The following PTH1R variants were observed in gnomAD, a reference collection of about 807,000 sequenced individuals.
PTH1R encodes parathyroid hormone 1 receptor.
PTH1R carries 32 observed loss-of-function variants against 70.7 expected under a neutral mutation model. The observed-to-expected ratio is 0.45, with a 90% confidence interval of 0.34 to 0.61. The LOEUF (loss-of-function observed/expected upper bound fraction) is 0.61, where lower values mean the gene tolerates loss of function less well. Ranked by LOEUF, PTH1R falls within the 20% of genes least tolerant of loss-of-function variation. The probability of loss-of-function intolerance (pLI) is 0.01; values close to 1 mark genes in which losing one functional copy is unlikely to be tolerated. For synonymous variants in PTH1R, 329 were observed against 324.8 expected, an observed-to-expected ratio of 1.01 and a Z score of -0.14; for missense variants, 626 against 792.5, an observed-to-expected ratio of 0.79 and a Z score of 2.52.
rs1208777445 is a variant in PTH1R, at chr3:46,882,491, G to C, written c.-48-1021G>C. 2 of 151,370 alleles carry C rather than the reference G, an allele frequency of 1.3e-5. No individual in the cohort carries two copies. The highest frequency in any genetic ancestry group is 4.9e-5 in the African/African-American group (2 of 41,218). 9.4% of individuals were successfully genotyped at this position (151,370 alleles called of 1,614,324 possible). ...TAAGTCGGGGCTGGGGACCCGCGCCGAGGGGAAGTGGCCGGAGTCGGGGAG... is the reference window on the plus strand; with the variant it reads ...TAAGTCGGGGCTGGGGACCCGCGCCCAGGGGAAGTGGCCGGAGTCGGGGAG... On this transcript the variant is annotated intron_variant, in intron 2 of 15. Coordinates refer to ENST00000449590, the MANE Select transcript of PTH1R (RefSeq NM_000316.3). This position sits in a 1 kb window ranked among gnomAD's most constrained non-coding sequence, Gnocchi z 4.3.
Position 46,897,843 on chromosome 3 carries a change from C to T in PTH1R, c.314-12C>T, listed in dbSNP as rs1388490455. On this transcript the variant is annotated splice_polypyrimidine_tract_variant and intron_variant, in intron 5 of 15. Transcript: ENST00000449590. ...CCTTGGTATCCCCTACCCTGTCTGT[C>T]TCTGGGCACAGGGCGCCCCTGTCTG... 1 of 1,611,920 alleles carries T rather than the reference C, an allele frequency of 6.2e-7. No homozygotes were observed. Among genetic ancestry groups the T allele is most frequent in the Admixed American group, 1.7e-5 (1 of 60,030 alleles).
At chr3:46,898,587 C>A in intron 8 of PTH1R, 75 bp from the exon 9 acceptor site, 1 of 1,601,550 alleles carries the variant, frequency 6.2e-7, no homozygotes, top group Non-Finnish European at 8.5e-7. Context: ...CTACCTACGG[C>A]GCACAACCCA....
chr3:46,885,729 C>T (rs1036917827), intron 3 of PTH1R, among the ~76,000 whole-genome samples: 2 of 152,100 alleles, frequency 1.3e-5, no homozygotes, highest in Admixed American at 6.5e-5. Context: ...GACTGAAGGG[C>T]GGGGGCAGCC....
intron 3 of PTH1R, among the ~76,000 whole-genome samples, chr3:46,890,529 G>C (rs1314591509): frequency 8.5e-6 from 1 of 117,288 alleles, no homozygotes; most frequent in Non-Finnish European, 1.7e-5. Flanking sequence ...TTGAGATGGA[G>C]TTTCGCTCTT....
intron 3 of PTH1R, among the ~76,000 whole-genome samples, chr3:46,887,299 G>T (rs976823126): frequency 6.6e-6 from 1 of 151,844 alleles, no homozygotes; most frequent in African/African-American, 2.4e-5. Flanking sequence ...ACTGATATAT[G>T]AATATGTTCT....
rs1036990950 is a variant in PTH1R at position 46,879,526 on chromosome 3, T to C, written c.-105-1536T>C. Reference sequence around the variant, plus strand: ...GGGAGGCCGAGGCAGGAGGACTGCTTGAGCCCAAGAGTTGGAGACCAGTCT... The same window carrying C: ...GGGAGGCCGAGGCAGGAGGACTGCTCGAGCCCAAGAGTTGGAGACCAGTCT... On this transcript the variant is annotated intron_variant, in intron 1 of 15. Transcript: ENST00000449590. This position sits in a 1 kb window ranked among gnomAD's most constrained non-coding sequence, Gnocchi z 4.7. Among the ~76,000 whole-genome samples the C allele has an allele frequency of 2.0e-5, 3 of 151,492 alleles. No individual in the cohort carries two copies. Among genetic ancestry groups the C allele is most frequent in the African/African-American group, 7.3e-5 (3 of 41,172 alleles).
intron 3 of PTH1R, among the ~76,000 whole-genome samples, chr3:46,887,367 A>T (rs1468475242): frequency 6.6e-6 from 1 of 151,382 alleles, no homozygotes; most frequent in Non-Finnish European, 1.5e-5. Context: ...AGGAGGGAGA[A>T]TTGCTTGAGC....
At chr3:46,881,482 G>C (rs1010851737) in intron 2 of PTH1R, among the ~76,000 whole-genome samples, 1 of 152,152 alleles carries the variant, frequency 6.6e-6, no homozygotes, top group African/African-American at 2.4e-5. Flanking sequence ...GAGAGTGGGT[G>C]TCTGGATTGA....
At chr3:46,880,653 G>A (rs549224339) in intron 1 of PTH1R, among the ~76,000 whole-genome samples, 1 of 152,298 alleles carries the variant, frequency 6.6e-6, no homozygotes, top group East Asian at 1.9e-4. Context: ...CTTGAGCCTG[G>A]GAAGCGGAGG....
At chr3:46,885,699 C>G (rs1166986609) in intron 3 of PTH1R, among the ~76,000 whole-genome samples, 1 of 152,198 alleles carries the variant, frequency 6.6e-6, no homozygotes, top group Non-Finnish European at 1.5e-5. Context: ...CACTCCCTGG[C>G]TTCGGGGCCA....
In PTH1R at chr3:46,883,523, G is replaced by A. The variant is rs201663714; in HGVS notation, c.-37G>A. ...CCTACCACCACCAGGGCCGGCGGCG[G>A]CGGCTGCCCCGAGGGACGCGGCCCT... is the stretch of plus-strand genomic sequence containing the variant. On this transcript the variant is annotated 5_prime_UTR_variant, in exon 3 of 16. Coordinates refer to ENST00000449590, the MANE Select transcript of PTH1R (RefSeq NM_000316.3). This position sits in a 1 kb window ranked among gnomAD's most constrained non-coding sequence, Gnocchi z 6.4. The A allele has an allele frequency of 1.4e-3, 2,106 of 1,477,312 alleles. 6 individuals are homozygous for A. The highest frequency in any genetic ancestry group is 7.8e-3 in the Middle Eastern group (34 of 4,334). 91.5% of individuals were successfully genotyped at this position (1,477,312 alleles called of 1,614,324 possible).
chr3:46,892,629 C>A lies in PTH1R; in HGVS notation c.76-1278C>A. ...TAACTTCTCCCTGCAGCCAGGCTCTCTGACCCGGCCTGCCCGCCCCTCTCG... is the reference window on the plus strand; with the variant it reads ...TAACTTCTCCCTGCAGCCAGGCTCTATGACCCGGCCTGCCCGCCCCTCTCG... On this transcript the variant is annotated intron_variant, in intron 3 of 15. Coordinates refer to ENST00000449590, the MANE Select transcript of PTH1R (RefSeq NM_000316.3). The surrounding 1 kb of genome is among the most constrained non-coding windows in gnomAD (Gnocchi z 5.2). 1 of 584,176 alleles carries A rather than the reference C, an allele frequency of 1.7e-6. No homozygotes were observed. The highest frequency in any genetic ancestry group is 7.5e-5 in the South Asian group (1 of 13,312). The allele number at this position is 584,176 out of a possible 1,614,324, so 36.2% of individuals were successfully genotyped here. A position where few individuals can be genotyped will look rare whatever the true frequency, so the allele number is the denominator to read the frequency against.
rs987732935 is a variant in PTH1R, at chr3:46,902,459, G to T, written c.1212-67G>T. ...TCCGGAGCCTGGGGCTCGCAGGGTG[G>T]GGGGTGGCACAATGCTTGTTGAAGG... On this transcript the variant is annotated intron_variant, in intron 13 of 15. Transcript: ENST00000449590. This position sits in a 1 kb window ranked among gnomAD's most constrained non-coding sequence, Gnocchi z 5.4. 1 of 1,588,918 alleles carries T rather than the reference G, an allele frequency of 6.3e-7. No individual in the cohort carries two copies. The highest frequency in any genetic ancestry group is 8.6e-7 in the Non-Finnish European group (1 of 1,168,394).
chr3:46,901,185 G>A lies in PTH1R; in HGVS notation c.1049+100G>A, dbSNP rs1434983749. 18 of 1,434,742 alleles carry A rather than the reference G, an allele frequency of 1.3e-5. No homozygotes were observed. The highest frequency in any genetic ancestry group is 7.1e-5 in the African/African-American group (5 of 70,648). 88.9% of individuals were successfully genotyped at this position (1,434,742 alleles called of 1,614,324 possible). A position where few individuals can be genotyped will look rare whatever the true frequency, so the allele number is the denominator to read the frequency against. On this transcript the variant is annotated intron_variant, in intron 11 of 15. Coordinates refer to ENST00000449590, the MANE Select transcript of PTH1R (RefSeq NM_000316.3). This position sits in a 1 kb window ranked among gnomAD's most constrained non-coding sequence, Gnocchi z 7.3. ...GGCCTCCTGTACCCTGGCCTCAAAC[G>A]GCCCAGCCTCAGGAGTTCTCAGTCC...
chr3:46,902,878 T>C lies in PTH1R; in HGVS notation c.1395+88T>C, dbSNP rs35418672. On this transcript the variant is annotated intron_variant, in intron 15 of 15. Transcript: ENST00000449590. This position sits in a 1 kb window ranked among gnomAD's most constrained non-coding sequence, Gnocchi z 5.4. ...GGCTCATTTCTCCATTCTTCCACCCTGTTATTTCTTTGTTCCTCCAAGAAC... is the reference window on the plus strand; with the variant it reads ...GGCTCATTTCTCCATTCTTCCACCCCGTTATTTCTTTGTTCCTCCAAGAAC... The C allele has an allele frequency of 0.032, 49,333 of 1,553,524 alleles. 2,351 individuals carry two copies. Among genetic ancestry groups the C allele is most frequent in the African/African-American group, 0.23 (16,749 of 73,378 alleles).
At chr3:46,878,933 C>T (rs2030391335) in intron 1 of PTH1R, among the ~76,000 whole-genome samples, 1 of 152,354 alleles carries the variant, frequency 6.6e-6, no homozygotes, top group Admixed American at 6.5e-5. Flanking sequence ...TTTCAAACCC[C>T]ATTGAAACTA....
At position 46,893,821 on chromosome 3, in the gene PTH1R, G is replaced by C. The variant is rs1030037005; in HGVS notation, c.76-86G>C. On this transcript the variant is annotated intron_variant, in intron 3 of 15. Coordinates refer to ENST00000449590, the MANE Select transcript of PTH1R (RefSeq NM_000316.3). This position sits in a 1 kb window ranked among gnomAD's most constrained non-coding sequence, Gnocchi z 5.2. Reference sequence around the variant, plus strand: ...TAGAGTCAGGGCCTTTTGAAAGGGGGTAGTCCCTCTGGGAAATTGGGATGT... The same window carrying C: ...TAGAGTCAGGGCCTTTTGAAAGGGGCTAGTCCCTCTGGGAAATTGGGATGT... 1 of 1,243,800 alleles carries C rather than the reference G, an allele frequency of 8.0e-7. No homozygotes were observed. The highest frequency in any genetic ancestry group is 1.9e-5 in the Admixed American group (1 of 51,564). 77.0% of individuals were successfully genotyped at this position (1,243,800 alleles called of 1,614,324 possible).
intron 2 of PTH1R, among the ~76,000 whole-genome samples, chr3:46,881,797 C>G (rs1026816982): frequency 1.3e-5 from 2 of 152,056 alleles, no homozygotes; most frequent in Non-Finnish European, 2.9e-5. Flanking sequence ...CCCAGGGACC[C>G]CGACCCGGCC....
At chr3:46,885,611 C>A (rs2030967080) in intron 3 of PTH1R, among the ~76,000 whole-genome samples, 1 of 152,198 alleles carries the variant, frequency 6.6e-6, no homozygotes, top group South Asian at 2.1e-4. Flanking sequence ...TTTGCCCTGG[C>A]CCATGTCTGA....
Sources: allele counts gnomAD v4.1 joint callset (sites outside exome capture counted in the v4.1 genomes callset), GRCh38; gene constraint gnomAD v4.1.1; non-coding constraint Gnocchi (gnomAD v3.1); transcripts MANE v1.5; gene names NCBI Gene and HGNC (gene_info 2026-07-23, HGNC 2026-07-21).